Variants in SCHIP1 observed in about 807,000 individuals in gnomAD.
SCHIP1 encodes schwannomin interacting protein 1, also known as schwannomin-interacting protein 1.
A neutral mutation model predicts 29.7 loss-of-function variants in SCHIP1; 8 were observed. The ratio of observed to expected loss-of-function variants is 0.27; its 90% CI spans 0.16 to 0.49. The LOEUF (loss-of-function observed/expected upper bound fraction) is 0.49. SCHIP1 is among the 20% of genes least tolerant of loss of function. The pLI is 0.99. For missense variants in SCHIP1, 193 were observed against 294.6 expected (o/e 0.66, Z 2.52); for synonymous variants, 76 against 94.9 (o/e 0.80, Z 1.16).
the SCHIP1 span, among the ~76,000 whole-genome samples, chr3:159,461,169 TC>T: frequency 6.6e-6 from 1 of 152,170 alleles, no homozygotes; most frequent in African/African-American, 2.4e-5. Context: ...TTAACAAGCT[TC>T]CCTTAGTAAG....
At chr3:159,437,476 C>G in the SCHIP1 span, among the ~76,000 whole-genome samples, 1 of 152,072 alleles carries the variant, frequency 6.6e-6, no homozygotes, top group East Asian at 1.9e-4. Flanking sequence ...ATATTTATTT[C>G]ATTCTTGACT....
chr3:159,728,016 T>TAA, the SCHIP1 span, among the ~76,000 whole-genome samples: 2 of 150,412 alleles, frequency 1.3e-5, no homozygotes, highest in East Asian at 1.9e-4. Context: ...TTTTTTTTTT[T>TAA]AAAAAGGCAA....
the SCHIP1 span, among the ~76,000 whole-genome samples, chr3:159,828,739 T>A: frequency 6.6e-6 from 1 of 152,066 alleles, no homozygotes; most frequent in Non-Finnish European, 1.5e-5. Flanking sequence ...GCTTTTTTAT[T>A]GTCAGAGATT....
chr3:159,595,071 A>G, the SCHIP1 span, among the ~76,000 whole-genome samples: 31,180 of 152,166 alleles, frequency 0.2, 8,699 homozygotes, highest in African/African-American at 0.63. Context: ...TTAGTCACTG[A>G]CTGAGGCATG....
the SCHIP1 span, among the ~76,000 whole-genome samples, chr3:159,718,921 C>T: frequency 1.3e-5 from 2 of 152,240 alleles, no homozygotes; most frequent in East Asian, 1.9e-4. Flanking sequence ...GCCCACATTG[C>T]CAAGACAATC....
the SCHIP1 span, among the ~76,000 whole-genome samples, chr3:159,827,364 C>A: frequency 2.6e-5 from 4 of 152,032 alleles, no homozygotes; most frequent in African/African-American, 9.7e-5. Flanking sequence ...GATTTAGGGA[C>A]CCTTGACAAA....
chr3:159,838,404 C>CAGT (rs1429983559), upstream of SCHIP1, among the ~76,000 whole-genome samples: 1 of 152,154 alleles, frequency 6.6e-6, no homozygotes, highest in Admixed American at 6.5e-5. Context: ...TTTTCTCTGT[C>CAGT]AGTAGCACAG....
chr3:159,794,136 TG>T, the SCHIP1 span, among the ~76,000 whole-genome samples: 36 of 152,104 alleles, frequency 2.4e-4, 1 homozygote, highest in Non-Finnish European at 1.5e-5. Context: ...TATGGGAGGA[TG>T]GGGGGTCATT....
chr3:159,469,148 T>A, the SCHIP1 span, among the ~76,000 whole-genome samples: 1 of 152,064 alleles, frequency 6.6e-6, no homozygotes, highest in East Asian at 1.9e-4. Context: ...TTTTAGGACT[T>A]TGCAACCCCT....
chr3:159,384,129 G>A, the SCHIP1 span, among the ~76,000 whole-genome samples: 1 of 151,432 alleles, frequency 6.6e-6, no homozygotes, highest in East Asian at 2.0e-4. Context: ...GCCCTGGCCA[G>A]CACTTCCAAC....
At chr3:159,570,855 C>T in the SCHIP1 span, among the ~76,000 whole-genome samples, 1 of 152,172 alleles carries the variant, frequency 6.6e-6, no homozygotes, top group East Asian at 1.9e-4. Context: ...TGAAGAGGTC[C>T]TTTACATCCC....
the SCHIP1 span, among the ~76,000 whole-genome samples, chr3:159,311,757 G>T: frequency 6.6e-6 from 1 of 152,098 alleles, no homozygotes; most frequent in Non-Finnish European, 1.5e-5. Context: ...TAGGGAAAAT[G>T]CAACTTCAAA....
the SCHIP1 span, among the ~76,000 whole-genome samples, chr3:159,427,118 G>A: frequency 4.6e-5 from 7 of 152,142 alleles, no homozygotes; most frequent in African/African-American, 9.7e-5. Context: ...AAAACTGGAA[G>A]CATTCCCTTT....
At chr3:159,472,385 A>G in the SCHIP1 span, among the ~76,000 whole-genome samples, 1 of 152,076 alleles carries the variant, frequency 6.6e-6, no homozygotes, top group East Asian at 1.9e-4. Flanking sequence ...CACAACTTCC[A>G]TTTTGTCAAT....
the SCHIP1 span, among the ~76,000 whole-genome samples, chr3:159,452,778 G>A: frequency 8.4e-4 from 128 of 152,282 alleles, no homozygotes; most frequent in African/African-American, 3.0e-3. Flanking sequence ...CAGTATAAAA[G>A]TGTTTCTATT....
chr3:159,892,418 A>G, intron 6 of SCHIP1: 1 of 605,100 alleles, frequency 1.7e-6, no homozygotes, highest in Non-Finnish European at 2.9e-6. Context: ...TTGTCAGTGC[A>G]TTACTTCTCA....
chr3:159,479,086 A>G, the SCHIP1 span, among the ~76,000 whole-genome samples: 1 of 152,148 alleles, frequency 6.6e-6, no homozygotes, highest in Non-Finnish European at 1.5e-5. Flanking sequence ...ATATTTACAA[A>G]GGTTTAAAAA....
chr3:159,408,518 A>G, the SCHIP1 span, among the ~76,000 whole-genome samples: 104 of 152,260 alleles, frequency 6.8e-4, no homozygotes, highest in Non-Finnish European at 1.3e-3. Flanking sequence ...AATGCAAAGA[A>G]TCCTTAGAGG....
chr3:159,891,304 G>A (rs1457342310), intron 5 of SCHIP1, among the ~76,000 whole-genome samples: 4 of 152,078 alleles, frequency 2.6e-5, no homozygotes, highest in African/African-American at 9.7e-5. Context: ...CCGGGAGGTG[G>A]AGGTTGCAAT....
Sources: gnomAD v4.1 joint callset for allele counts (sites outside exome capture counted in the v4.1 genomes callset) on GRCh38, gnomAD v4.1.1 for gene constraint, MANE v1.5 for transcripts, NCBI Gene and HGNC (gene_info 2026-07-23, HGNC 2026-07-21) for gene names.